CYB561: variants seen among roughly 807,000 people sequenced by gnomAD.
CYB561 encodes the protein transmembrane ascorbate-dependent reductase CYB561.
Under a neutral mutation model 25.3 loss-of-function variants are expected in CYB561, and 11 were observed. The ratio of observed to expected loss-of-function variants is 0.44; its 90% CI spans 0.27 to 0.72. The LOEUF is 0.72. Ranked by LOEUF, CYB561 falls within the 30% of genes least tolerant of loss-of-function variation. The pLI, the probability that CYB561 is intolerant of heterozygous loss-of-function variation, is 0.18. For missense variants in CYB561, 295 were observed against 334.9 expected (o/e 0.88, Z 0.93); for synonymous variants, 165 against 158.8 (o/e 1.04, Z -0.29).
rs1243791810 is a variant in CYB561 at position 63,433,108 on chromosome 17, C to G, written c.*1294G>C. 3.1e-6 allele frequency: 1 copy of G among 317,974 alleles called. No homozygotes were observed. The highest frequency in any genetic ancestry group is 5.7e-6 in the Non-Finnish European group (1 of 175,778). 19.7% of individuals were successfully genotyped at this position (317,974 alleles called of 1,614,324 possible). On this transcript the variant is annotated 3_prime_UTR_variant, in exon 6 of 6. Transcript: ENST00000360793. ...CAGGCTGGAGTGCAATCTCAGCTCA[C>G]TGCAAGCGCCATCTCCCGGGTTCAC...
At chr17:63,434,878 A>G (rs2049276888) in intron 5 of CYB561, among the ~76,000 whole-genome samples, 1 of 152,264 alleles carries the variant, frequency 6.6e-6, no homozygotes, top group South Asian at 2.1e-4. Context: ...GGGTGCCCAT[A>G]GCCCAGAAGT....
rs927726687 is a variant in CYB561, at chr17:63,432,832, A to C, written c.*1570T>G. The C allele has an allele frequency of 2.0e-5, 3 of 152,406 alleles. No individual in the cohort carries two copies. 9.4% of individuals were successfully genotyped at this position (152,406 alleles called of 1,614,324 possible). ...GCCAACTATGGGAAATCTGAGCATTAGAGGAGACTGGCCCCTTTCTCTAAG... is the reference window on the plus strand; with the variant it reads ...GCCAACTATGGGAAATCTGAGCATTCGAGGAGACTGGCCCCTTTCTCTAAG... On this transcript the variant is annotated 3_prime_UTR_variant, in exon 6 of 6. Coordinates refer to ENST00000360793, the MANE Select transcript of CYB561 (RefSeq NM_001915.4).
rs145424878 is a variant in CYB561, at chr17:63,433,189, C to T, written c.*1213G>A. ...CTGGGACTACAGGCGCCCACCACCACGCCTGGCTAATTTTTTTGTATTTTT... is the reference window on the plus strand; with the variant it reads ...CTGGGACTACAGGCGCCCACCACCATGCCTGGCTAATTTTTTTGTATTTTT... On this transcript the variant is annotated 3_prime_UTR_variant, in exon 6 of 6. Coordinates refer to ENST00000360793, the MANE Select transcript of CYB561 (RefSeq NM_001915.4). The T allele has an allele frequency of 2.3e-3, 879 of 379,444 alleles. 13 individuals carry two copies. The East Asian group carries it at 0.031, about 13-fold the overall frequency. The allele number at this position is 379,444 out of a possible 1,614,324, so 23.5% of individuals were successfully genotyped here. A position where few individuals can be genotyped will look rare whatever the true frequency, so the allele number is the denominator to read the frequency against.
Position 63,436,113 on chromosome 17 carries a change from C to T in CYB561, c.242G>A (p.Arg81His), listed in dbSNP as rs2049297102. Residue 81 changes from arginine (R) to histidine (H), a missense_variant, in exon 3 of 6, where the codon CGC becomes CAC. Coordinates refer to ENST00000360793, the MANE Select transcript of CYB561 (RefSeq NM_001915.4). This position sits in a 1 kb window ranked among gnomAD's most constrained non-coding sequence, Gnocchi z 4.8. ...VYRVFRNEAKRTTKVLHGLLH... is the reference protein window; with the variant it reads ...VYRVFRNEAKHTTKVLHGLLH... ...CAGCCCGTGCAGGACCTTGGTGGTG[C>T]GTTTAGCTTCGTTCCTGAAGACACG... 3.1e-6 allele frequency: 5 copies of T among 1,614,174 alleles called. No individual in the cohort carries two copies. The highest frequency in any genetic ancestry group is 4.2e-6 in the Non-Finnish European group (5 of 1,180,008).
Position 63,435,145 on chromosome 17 carries a change from G to A in CYB561, c.504C>T (p.Phe168=), listed in dbSNP as rs2049280495. 6.2e-7 allele frequency: 1 copy of A among 1,614,238 alleles called. No individual in the cohort carries two copies. Among genetic ancestry groups the A allele is most frequent in the Non-Finnish European group, 8.5e-7 (1 of 1,180,054 alleles). ...GCAGGGCGGTGCCCACGGAAAGGAG[G>A]AAGATGGTAGCACCAAAGAAGATGT... ...PQHIFFGATI[F]LLSVGTALLG... is the part of the protein sequence containing the mutation. The change falls in exon 5 of 6, where the codon TTC becomes TTT. Residue 168 remains phenylalanine, a synonymous_variant. Coordinates refer to ENST00000360793, the MANE Select transcript of CYB561 (RefSeq NM_001915.4).
At chr17:63,440,123 G>A (rs1438328176) in intron 1 of CYB561, 11 of 398,442 alleles carry the variant, frequency 2.8e-5, no homozygotes, top group African/African-American at 1.0e-4. Context: ...TCACCTACAC[G>A]GGTATCAGTT....
At chr17:63,440,350 G>A (rs899040639) in intron 1 of CYB561, 21 of 398,330 alleles carry the variant, frequency 5.3e-5, no homozygotes, top group Non-Finnish European at 7.5e-5. Context: ...TGCCCAGGCC[G>A]CCGCATGCTG....
intron 3 of CYB561, 108 bp from the exon 4 acceptor site, chr17:63,435,899 C>G (rs1055619470): frequency 7.6e-6 from 12 of 1,580,364 alleles, no homozygotes; most frequent in Non-Finnish European, 8.6e-6. Context: ...AGTCCCAGCT[C>G]GAGGGCTGCC....
At chr17:63,435,468 G>C in intron 4 of CYB561, 1 of 679,442 alleles carries the variant, frequency 1.5e-6, no homozygotes, top group Non-Finnish European at 2.5e-6. Context: ...AGCTGGGCTT[G>C]TGGCCAAAAG....
In CYB561 at chr17:63,433,046, C is replaced by T. The variant is rs146351285; in HGVS notation, c.*1356G>A. ...TCACCAGATCCAAGAAGCACATGAT[C>T]GGTGTTCTTTTTTTTTTCTTTTTTG... On this transcript the variant is annotated 3_prime_UTR_variant, in exon 6 of 6. Transcript: ENST00000360793. The T allele has an allele frequency of 0.015, 3,144 of 212,404 alleles. 28 individuals carry two copies. The highest frequency in any genetic ancestry group is 0.034 in the South Asian group (180 of 5,306). 13.2% of individuals were successfully genotyped at this position (212,404 alleles called of 1,614,324 possible). A position where few individuals can be genotyped will look rare whatever the true frequency, so the allele number is the denominator to read the frequency against.
chr17:63,441,828 C>T (rs1254194186), intron 1 of CYB561, among the ~76,000 whole-genome samples: 1 of 152,154 alleles, frequency 6.6e-6, no homozygotes, highest in Non-Finnish European at 1.5e-5. Context: ...CCGGGCGGTG[C>T]CCCCCCTCCT....
chr17:63,437,975 G>GGCCC, intron 1 of CYB561: 4 of 89,524 alleles, frequency 4.5e-5, no homozygotes, highest in Non-Finnish European at 6.1e-5. Context: ...CGGCGGCCCC[G>GGCCC]CCACCCTCCC....
intron 1 of CYB561, among the ~76,000 whole-genome samples, chr17:63,440,575 C>G (rs1397640957): frequency 1.3e-5 from 2 of 152,166 alleles, no homozygotes; most frequent in Non-Finnish European, 2.9e-5. Context: ...ACTGTTCCTG[C>G]TAGGCCCTCT....
chr17:63,441,405 G>C (rs4968775), intron 1 of CYB561, among the ~76,000 whole-genome samples: 79,773 of 152,170 alleles, frequency 0.52, 21,804 homozygotes, highest in African/African-American at 0.66. Context: ...ACAAGCGACA[G>C]GCCCCCAAAT....
intron 1 of CYB561, 172 bp from the exon 2 acceptor site, chr17:63,437,732 C>T: frequency 6.4e-6 from 3 of 470,050 alleles, no homozygotes; most frequent in Non-Finnish European, 1.1e-5. Context: ...CAGATATGCA[C>T]AGCCCCCCCC....
intron 1 of CYB561, among the ~76,000 whole-genome samples, chr17:63,443,727 G>A (rs931255632): frequency 3.3e-4 from 50 of 152,102 alleles, no homozygotes; most frequent in Non-Finnish European, 2.8e-4. Context: ...TCCTGGGCTC[G>A]AGGGATCCTC....
At chr17:63,438,909 GA>G (rs1250810366) in intron 1 of CYB561, among the ~76,000 whole-genome samples, 3 of 152,210 alleles carry the variant, frequency 2.0e-5, no homozygotes, top group Non-Finnish European at 2.9e-5. Context: ...GTGCGCCACG[GA>G]AAAGTGCTGC....
intron 1 of CYB561, among the ~76,000 whole-genome samples, chr17:63,443,128 GAA>G (rs1568026173): frequency 6.6e-6 from 1 of 152,190 alleles, no homozygotes; most frequent in African/African-American, 2.4e-5. Context: ...AGCATGTGAT[GAA>G]GGAGAAAGCA....
In CYB561 at chr17:63,433,260, A is replaced by C. The variant is rs2049252374; in HGVS notation, c.*1142T>G. Reference sequence around the variant, plus strand: ...GTGTTTGTTAGTCAGGATGGTCTTGATCTCCTGGCCTCGCACACGATCAGT... The same window carrying C: ...GTGTTTGTTAGTCAGGATGGTCTTGCTCTCCTGGCCTCGCACACGATCAGT... On this transcript the variant is annotated 3_prime_UTR_variant, in exon 6 of 6. Transcript: ENST00000360793. The C allele has an allele frequency of 1.0e-5, 4 of 397,496 alleles. No individual in the cohort carries two copies. Among genetic ancestry groups the C allele is most frequent in the Admixed American group, 4.4e-5 (1 of 22,688 alleles). 24.6% of individuals were successfully genotyped at this position (397,496 alleles called of 1,614,324 possible). A position where few individuals can be genotyped will look rare whatever the true frequency, so the allele number is the denominator to read the frequency against.
Sources: gnomAD v4.1 joint callset for allele counts (sites outside exome capture counted in the v4.1 genomes callset) on GRCh38, gnomAD v4.1.1 for gene constraint, Gnocchi (gnomAD v3.1) non-coding constraint, MANE v1.5 for transcripts, NCBI Gene and HGNC (gene_info 2026-07-23, HGNC 2026-07-21) for gene names.